The following DAAM2 variants were observed in gnomAD, a reference collection of about 807,000 sequenced individuals.
DAAM2 encodes the protein dishevelled associated activator of morphogenesis 2, also known as disheveled-associated activator of morphogenesis 2.
A neutral mutation model predicts 120.7 loss-of-function variants in DAAM2; 39 were observed. That is an observed-to-expected ratio of 0.32 (90% CI 0.25 to 0.42). DAAM2 has a LOEUF of 0.42. DAAM2 is among the 10% of genes least tolerant of loss of function. The pLI is 1.00. For missense variants in DAAM2, 1,283 were observed against 1,401.7 expected (o/e 0.92, Z 1.35); for synonymous variants, 488 against 524.9 (o/e 0.93, Z 0.96).
Position 39,862,069 on chromosome 6 carries a change from CCA to C in DAAM2, c.258+1057_258+1058del, listed in dbSNP as rs1433014943. 6 of 152,364 alleles carry C rather than the reference CCA, an allele frequency of 3.9e-5. 1 individual carries two copies. In the East Asian group the frequency reaches 1.2e-3, roughly 29 times the overall value. 9.4% of individuals were successfully genotyped at this position (152,364 alleles called of 1,614,324 possible). A position where few individuals can be genotyped will look rare whatever the true frequency, so the allele number is the denominator to read the frequency against. On this transcript the variant is annotated intron_variant, in intron 3 of 24. Coordinates refer to ENST00000274867, the MANE Select transcript of DAAM2 (RefSeq NM_001201427.2). ...TTCAGAGTTGCAGGAACCTGGAAAA[CCA>C]CACAGTGTCGATGCAGTCTCATTCT...
chr6:39,874,034 C>T (rs537422405), intron 10 of DAAM2, among the ~76,000 whole-genome samples: 6 of 152,244 alleles, frequency 3.9e-5, no homozygotes, highest in African/African-American at 1.2e-4. Context: ...TTGATGTTGG[C>T]GGTGTCAGCA....
chr6:39,897,939 C>T (rs1450504046), intron 21 of DAAM2, among the ~76,000 whole-genome samples: 1 of 152,176 alleles, frequency 6.6e-6, no homozygotes, highest in Non-Finnish European at 1.5e-5. Context: ...GTGCTCACTT[C>T]CTTGACTACC....
intron 1 of DAAM2, among the ~76,000 whole-genome samples, chr6:39,797,466 T>A (rs907566186): frequency 3.3e-5 from 5 of 152,142 alleles, no homozygotes; most frequent in Non-Finnish European, 5.9e-5. Flanking sequence ...ATTTCACACC[T>A]TAAGTAAGTG....
At chr6:39,873,207 C>CCACT (rs1183122222) in intron 9 of DAAM2, 31 bp from the exon 10 acceptor site, 2 of 1,414,834 alleles carry the variant, frequency 1.4e-6, no homozygotes, top group Non-Finnish European at 2.0e-6. Flanking sequence ...TGCTGCCTAC[C>CCACT]CACTGATCAC....
chr6:39,875,540 C>T (rs949712506), intron 11 of DAAM2, 72 bp downstream of exon 11: 64 of 1,539,872 alleles, frequency 4.2e-5, no homozygotes, highest in South Asian at 3.0e-4. Context: ...GTCTCACCAG[C>T]GAAACCTCAG....
chr6:39,903,711 T>G lies in DAAM2; in HGVS notation c.*1674T>G, dbSNP rs941409435. The G allele has an allele frequency of 1.2e-5, 2 of 165,496 alleles. No individual in the cohort carries two copies. Among genetic ancestry groups the G allele is most frequent in the Non-Finnish European group, 2.6e-5 (2 of 75,638 alleles). The allele number at this position is 165,496 out of a possible 1,614,324, so 10.3% of individuals were successfully genotyped here. On this transcript the variant is annotated 3_prime_UTR_variant, in exon 25 of 25. Transcript: ENST00000274867. Reference sequence around the variant, plus strand: ...CAGCTGCCTATCTTCTGCCTTTCACTTGCATCCAACTCCTGGGGCTGGGAC... The same window carrying G: ...CAGCTGCCTATCTTCTGCCTTTCACGTGCATCCAACTCCTGGGGCTGGGAC...
At chr6:39,894,741 C>T (rs1289105528) in intron 19 of DAAM2, among the ~76,000 whole-genome samples, 1 of 152,012 alleles carries the variant, frequency 6.6e-6, no homozygotes, top group African/African-American at 2.4e-5. Flanking sequence ...CCATCTCAGC[C>T]TCCCAAGTAG....
At position 39,864,963 on chromosome 6, in the gene DAAM2, T is replaced by C. The variant is rs760457649; in HGVS notation, c.334-17T>C. Reference sequence around the variant, plus strand: ...GGTTGGGAGACAGGCAGCCCCTTTCTACCTGCTGGCCCTCAGATGCAGAGT... The same window carrying C: ...GGTTGGGAGACAGGCAGCCCCTTTCCACCTGCTGGCCCTCAGATGCAGAGT... On this transcript the variant is annotated splice_polypyrimidine_tract_variant and intron_variant, in intron 4 of 24. Coordinates refer to ENST00000274867, the MANE Select transcript of DAAM2 (RefSeq NM_001201427.2). 6.3e-7 allele frequency: 1 copy of C among 1,589,652 alleles called. No individual in the cohort carries two copies. The highest frequency in any genetic ancestry group is 8.6e-7 in the Non-Finnish European group (1 of 1,168,210).
At chr6:39,865,451 GAA>G (rs1764388515) in intron 5 of DAAM2, among the ~76,000 whole-genome samples, 1 of 152,234 alleles carries the variant, frequency 6.6e-6, no homozygotes, top group African/African-American at 2.4e-5. Flanking sequence ...CCCCATCCAG[GAA>G]AAGAGGGACG....
chr6:39,875,184 T>C (rs1029557615), intron 10 of DAAM2, 146 bp from the exon 11 acceptor site: 2 of 792,028 alleles, frequency 2.5e-6, no homozygotes, highest in Non-Finnish European at 4.0e-6. Context: ...TTATCAGCAA[T>C]GGCATTGCCT....
intron 3 of DAAM2, 114 bp downstream of exon 3, chr6:39,861,131 T>A: frequency 1.2e-6 from 1 of 810,726 alleles, no homozygotes; most frequent in Non-Finnish European, 2.1e-6. Flanking sequence ...AGCCCTGTTC[T>A]AGGTGTTGGA....
intron 14 of DAAM2, among the ~76,000 whole-genome samples, chr6:39,881,637 T>C (rs1224612242): frequency 6.6e-6 from 1 of 151,964 alleles, no homozygotes; most frequent in Non-Finnish European, 1.5e-5. Flanking sequence ...GAATTAAACC[T>C]GGGGGGCGGA....
chr6:39,799,179 A>G (rs1477036869), intron 1 of DAAM2, among the ~76,000 whole-genome samples: 1 of 151,686 alleles, frequency 6.6e-6, no homozygotes, highest in East Asian at 1.9e-4. Flanking sequence ...CCTCCACAAC[A>G]CTTCTAGGGG....
intron 1 of DAAM2, among the ~76,000 whole-genome samples, chr6:39,825,426 A>G (rs142184473): frequency 1.9e-5 from 1 of 54,050 alleles, no homozygotes; most frequent in Admixed American, 3.3e-4. Context: ...AAACAAAACA[A>G]AACACAAGGT....
Position 39,904,806 on chromosome 6 carries a change from G to C in DAAM2, c.*2769G>C. ...TAATCTACAGTGTCCTTTTTCACTT[G>C]CACCTTTTTTATAAGAATATATTGT... On this transcript the variant is annotated 3_prime_UTR_variant, in exon 25 of 25. Coordinates refer to ENST00000274867, the MANE Select transcript of DAAM2 (RefSeq NM_001201427.2). 1 of 454,016 alleles carries C rather than the reference G, an allele frequency of 2.2e-6. No individual in the cohort carries two copies. The highest frequency in any genetic ancestry group is 2.0e-5 in the African/African-American group (1 of 50,094). The allele number at this position is 454,016 out of a possible 1,614,324, so 28.1% of individuals were successfully genotyped here. A position where few individuals can be genotyped will look rare whatever the true frequency, so the allele number is the denominator to read the frequency against.
intron 15 of DAAM2, chr6:39,884,844 T>G (rs1765302856): frequency 6.6e-6 from 1 of 152,322 alleles, no homozygotes; most frequent in South Asian, 2.1e-4. Flanking sequence ...GACCTCATCC[T>G]GGAATGTGAT....
Position 39,862,990 on chromosome 6 carries a change from A to G in DAAM2, c.259-1443A>G, listed in dbSNP as rs774803731. Among the ~76,000 whole-genome samples, 13 of 151,966 alleles carry G rather than the reference A, an allele frequency of 8.6e-5. 1 individual carries two copies. ...TAGCTGTAATGCTCTTTAATAGCCC[A>G]GTGTTCTTAGACCACTCACGCCAAC... On this transcript the variant is annotated intron_variant, in intron 3 of 24. Transcript: ENST00000274867.
intron 1 of DAAM2, among the ~76,000 whole-genome samples, chr6:39,825,631 C>G (rs990129364): frequency 1.3e-5 from 2 of 152,032 alleles, no homozygotes; most frequent in African/African-American, 4.8e-5. Context: ...TATGTCCTTC[C>G]CCTGCTCCCA....
At chr6:39,868,214 T>C (rs999809765) in intron 6 of DAAM2, 4 of 279,426 alleles carry the variant, frequency 1.4e-5, no homozygotes, top group African/African-American at 2.1e-5. Flanking sequence ...ATTGCTGAGA[T>C]TGAGATTTTA....
Sources: gnomAD v4.1 joint callset for allele counts (sites outside exome capture counted in the v4.1 genomes callset) on GRCh38, gnomAD v4.1.1 for gene constraint, MANE v1.5 for transcripts, NCBI Gene and HGNC (gene_info 2026-07-23, HGNC 2026-07-21) for gene names.